The following FRYL variants were observed in gnomAD, a reference collection of about 807,000 sequenced individuals.
FRYL encodes the protein FRY like transcription coactivator.
A neutral mutation model predicts 351.2 loss-of-function variants in FRYL; 150 were observed. That is an observed-to-expected ratio of 0.43 (90% CI 0.37 to 0.49). FRYL has a LOEUF of 0.49. Among genes scored for constraint, FRYL ranks in the 20% least tolerant of loss-of-function variants. The pLI, the probability that FRYL is intolerant of heterozygous loss-of-function variation, is 0.00. For synonymous variants in FRYL, 1,153 were observed against 1,257.1 expected, an observed-to-expected ratio of 0.92 and a Z score of 1.75; for missense variants, 3,036 against 3,619.3, an observed-to-expected ratio of 0.84 and a Z score of 4.13.
chr4:48,650,037 A>G (rs966950125), intron 3 of FRYL, among the ~76,000 whole-genome samples: 6 of 152,112 alleles, frequency 3.9e-5, no homozygotes, highest in African/African-American at 9.6e-5. Context: ...TATTTAATGG[A>G]AAAAATTTTT....
At chr4:48,641,344 T>A (rs1755275389) in intron 3 of FRYL, among the ~76,000 whole-genome samples, 1 of 152,162 alleles carries the variant, frequency 6.6e-6, no homozygotes, top group African/African-American at 2.4e-5. Flanking sequence ...CAGATGCTGT[T>A]TGTTTCCAAT....
At chr4:48,506,660 A>ATATATATAT in intron 59 of FRYL, 1 of 123,164 alleles carries the variant, frequency 8.1e-6, no homozygotes, top group South Asian at 2.6e-4. Flanking sequence ...ATATATATAT[A>ATATATATAT]TATATATATG....
intron 54 of FRYL, among the ~76,000 whole-genome samples, chr4:48,521,740 G>A (rs947095304): frequency 2.0e-5 from 3 of 152,228 alleles, no homozygotes; most frequent in Non-Finnish European, 4.4e-5. Flanking sequence ...TAGACAGTCA[G>A]TAAGTGGTAA....
At chr4:48,599,378 CG>C (rs1284214384) in intron 13 of FRYL, among the ~76,000 whole-genome samples, 1 of 152,160 alleles carries the variant, frequency 6.6e-6, no homozygotes, top group African/African-American at 2.4e-5. Context: ...GTGAAAATAA[CG>C]TGACACTGTC....
At chr4:48,651,678 T>C (rs758769537) in intron 3 of FRYL, among the ~76,000 whole-genome samples, 2 of 152,236 alleles carry the variant, frequency 1.3e-5, no homozygotes, top group Non-Finnish European at 2.9e-5. Context: ...CTATAAACAC[T>C]GGTTGACTCA....
At chr4:48,575,925 T>A (rs1739506146) in intron 24 of FRYL, 105 bp downstream of exon 24, 1 of 929,594 alleles carries the variant, frequency 1.1e-6, no homozygotes, top group Non-Finnish European at 1.6e-6. Context: ...AAGTAACACA[T>A]TTTCAACTGA....
intron 8 of FRYL, 86 bp downstream of exon 8, chr4:48,609,658 C>G (rs771588786): frequency 5.0e-6 from 3 of 598,136 alleles, no homozygotes; most frequent in Non-Finnish European, 5.7e-6. Context: ...GCCTTGAACT[C>G]TCAAACAAAT....
chr4:48,686,059 T>C (rs901555546), intron 2 of FRYL, among the ~76,000 whole-genome samples: 3 of 152,174 alleles, frequency 2.0e-5, no homozygotes, highest in East Asian at 1.9e-4. Flanking sequence ...TATTTTTCTA[T>C]AGCTAAAATA....
intron 3 of FRYL, among the ~76,000 whole-genome samples, chr4:48,644,560 A>T (rs1157782395): frequency 5.9e-5 from 9 of 151,494 alleles, no homozygotes; most frequent in Non-Finnish European, 1.3e-4. Flanking sequence ...GGGCAAAATT[A>T]GAAGGAAAAA....
chr4:48,510,693 T>C (rs1722288980), intron 58 of FRYL, 142 bp downstream of exon 58: 2 of 694,424 alleles, frequency 2.9e-6, no homozygotes, highest in Non-Finnish European at 5.0e-6. Context: ...TATACTAGAA[T>C]TGTAGTTTGC....
At position 48,656,809 on chromosome 4, in the gene FRYL, T is replaced by C. The variant is rs150802898; in HGVS notation, c.-80-22319A>G. On this transcript the variant is annotated intron_variant, in intron 3 of 63. Transcript: ENST00000358350. ...CACGCAAGAAATTAATTTCAGAGCT[T>C]ATTTTGGAAGTTCCATTTTACATCA... Among the ~76,000 whole-genome samples the C allele has an allele frequency of 7.4e-3, 1,127 of 151,744 alleles. 13 individuals carry two copies. The highest frequency in any genetic ancestry group is 0.026 in the African/African-American group (1,070 of 41,436).
chr4:48,658,809 T>A (rs1759822689), intron 3 of FRYL, among the ~76,000 whole-genome samples: 1 of 151,720 alleles, frequency 6.6e-6, no homozygotes, highest in African/African-American at 2.4e-5. Flanking sequence ...GGAAAGTTGC[T>A]TTTACATCTG....
At chr4:48,653,883 G>A (rs1308604162) in intron 3 of FRYL, 1 of 1,273,292 alleles carries the variant, frequency 7.9e-7, no homozygotes, top group Non-Finnish European at 1.0e-6. Flanking sequence ...TCTCCAAGCC[G>A]CTGTCCCTTC....
intron 56 of FRYL, 110 bp from the exon 57 acceptor site, chr4:48,512,798 C>A: frequency 1.4e-6 from 1 of 720,520 alleles, no homozygotes; most frequent in Admixed American, 2.7e-5. Context: ...ATTCATCATA[C>A]ACACTGATTT....
chr4:48,646,547 T>G (rs1756506486), intron 3 of FRYL, among the ~76,000 whole-genome samples: 1 of 152,146 alleles, frequency 6.6e-6, no homozygotes, highest in African/African-American at 2.4e-5. Context: ...CATGACCCAT[T>G]CTCATCCTGC....
chr4:48,753,047 C>T (rs948174233), intron 1 of FRYL, among the ~76,000 whole-genome samples: 6 of 152,170 alleles, frequency 3.9e-5, no homozygotes, highest in Non-Finnish European at 5.9e-5. Flanking sequence ...TATTCAAGAA[C>T]GTCATAATTC....
intron 1 of FRYL, among the ~76,000 whole-genome samples, chr4:48,759,665 G>A (rs1774196096): frequency 6.6e-6 from 1 of 152,236 alleles, no homozygotes; most frequent in South Asian, 2.1e-4. Flanking sequence ...GCCCAGGCTG[G>A]TCTCAAACTC....
intron 21 of FRYL, 23 bp downstream of exon 21, chr4:48,581,397 T>C: frequency 6.3e-7 from 1 of 1,585,708 alleles, no homozygotes; most frequent in South Asian, 1.1e-5. Context: ...AATAGATAAC[T>C]GAATGAAATA....
At chr4:48,768,369 C>T (rs925641852) in intron 1 of FRYL, among the ~76,000 whole-genome samples, 6 of 152,164 alleles carry the variant, frequency 3.9e-5, no homozygotes, top group Non-Finnish European at 7.3e-5. Context: ...CTGGCAGTTG[C>T]TCTGTTACCA....
Sources: allele counts gnomAD v4.1 joint callset (sites outside exome capture counted in the v4.1 genomes callset), GRCh38; gene constraint gnomAD v4.1.1; transcripts MANE v1.5; gene names NCBI Gene and HGNC (gene_info 2026-07-23, HGNC 2026-07-21).